TBX3: variants seen among roughly 807,000 people sequenced by gnomAD.
TBX3 encodes the protein T-box transcription factor TBX3.
A neutral mutation model predicts 47.8 loss-of-function variants in TBX3; 11 were observed. That is an observed-to-expected ratio of 0.23 (90% CI 0.14 to 0.38). The LOEUF is 0.38. Among genes scored for constraint, TBX3 ranks in the 10% least tolerant of loss-of-function variants. The probability of loss-of-function intolerance (pLI) is 1.00; values close to 1 mark genes in which losing one functional copy is unlikely to be tolerated. For missense variants in TBX3, 927 were observed against 1,022.8 expected, an observed-to-expected ratio of 0.91 and a Z score of 1.28; for synonymous variants, 500 against 449.3, an observed-to-expected ratio of 1.11 and a Z score of -1.43.
intron 3 of TBX3, 125 bp from the exon 4 acceptor site, chr12:114,677,781 AG>A: frequency 2.4e-6 from 2 of 850,634 alleles, no homozygotes; most frequent in South Asian, 3.0e-5. Flanking sequence ...TAGATATGCC[AG>A]GGAAAGGAGA....
Position 114,675,901 on chromosome 12 carries a change from C to T in TBX3, c.1039+412G>A, listed in dbSNP as rs113723401. On this transcript the variant is annotated intron_variant, in intron 5 of 6. Coordinates refer to ENST00000349155, the MANE Select transcript of TBX3 (RefSeq NM_005996.4). ...CTTGCTTCCCCCCCACCCAGTCCAA[C>T]ACATTGTAACCTAGAGTTCAAAGAC... is the stretch of plus-strand genomic sequence containing the variant. 8.5e-3 allele frequency among the ~76,000 whole-genome samples: 1,289 copies of T among 152,210 alleles called. 7 individuals are homozygous for T. The highest frequency in any genetic ancestry group is 0.012 in the Non-Finnish European group (795 of 68,028).
rs1273808557 is a variant in TBX3, at chr12:114,676,458, G to A, written c.894C>T (p.Thr298=). Residue 298 remains threonine (T), a synonymous_variant, in exon 5 of 7, where the codon ACC becomes ACT. Transcript: ENST00000349155. The stretch of plus-strand genomic sequence containing the variant: ...CATCAAACACCCTCATGGACTGCAG[G>A]GTGAGCTGTTTTCTGTGGCAGAAGC... ...NGRREKRKQL[T]LQSMRVFDER... 1.9e-6 allele frequency: 3 copies of A among 1,614,074 alleles called. No homozygotes were observed. Among genetic ancestry groups the A allele is most frequent in the Non-Finnish European group, 2.5e-6 (3 of 1,180,036 alleles).
At chr12:114,677,435 C>A in intron 4 of TBX3, 145 bp downstream of exon 4, 2 of 769,310 alleles carry the variant, frequency 2.6e-6, no homozygotes, top group Non-Finnish European at 4.5e-6. Flanking sequence ...ATACTGATAG[C>A]GGCAAGCATG....
chr12:114,672,825 T>C (rs1868511039), intron 6 of TBX3, among the ~76,000 whole-genome samples: 1 of 151,800 alleles, frequency 6.6e-6, no homozygotes, highest in Non-Finnish European at 1.5e-5. Flanking sequence ...ACCCCAATCC[T>C]AGAAGTTTCT....
chr12:114,679,286 T>G (rs1032169769), intron 3 of TBX3, among the ~76,000 whole-genome samples: 1 of 152,074 alleles, frequency 6.6e-6, no homozygotes, highest in African/African-American at 2.4e-5. Context: ...GCAAAATTAG[T>G]ATGGCGTTTT....
At chr12:114,673,543 A>G (rs1189837467) in intron 6 of TBX3, among the ~76,000 whole-genome samples, 1 of 152,092 alleles carries the variant, frequency 6.6e-6, no homozygotes, top group Non-Finnish European at 1.5e-5. Context: ...AAGAGCTTCG[A>G]ACTGGGAGGA....
rs928612940 is a variant in TBX3 at position 114,671,490 on chromosome 12, G to T, written c.*351C>A. ...GAAGGAAAAATATATATATAAATCC[G>T]CACTGAGGGAGATGTCTTTGAACAC... On this transcript the variant is annotated 3_prime_UTR_variant, in exon 7 of 7. Coordinates refer to ENST00000349155, the MANE Select transcript of TBX3 (RefSeq NM_005996.4). 2.5e-5 allele frequency: 10 copies of T among 393,016 alleles called. No individual in the cohort carries two copies. In the East Asian group the frequency reaches 4.2e-4, roughly 16 times the overall value. 24.3% of individuals were successfully genotyped at this position (393,016 alleles called of 1,614,324 possible). A position where few individuals can be genotyped will look rare whatever the true frequency, so the allele number is the denominator to read the frequency against.
In TBX3 at chr12:114,672,088, G is replaced by A. The variant is rs1239302522; in HGVS notation, c.1925C>T (p.Ser642Phe). The A allele has an allele frequency of 1.3e-6, 2 of 1,568,942 alleles. No homozygotes were observed. The highest frequency in any genetic ancestry group is 1.4e-5 in the African/African-American group (1 of 73,970). ...GSSLLTTALPSMAAAAGPLDG... is the reference protein window; with the variant it reads ...GSSLLTTALPFMAAAAGPLDG... ...CAGGGGCCCCGCGGCCGCCGCCATG[G>A]AGGGCAGGGCGGTGGTGAGCAGACT... The change falls in exon 7 of 7, where the codon TCC becomes TTC. Residue 642 changes from serine to phenylalanine, a missense_variant. Physicochemically the swap from Ser to Phe is radical, Grantham distance 155. Transcript: ENST00000349155.
chr12:114,675,193 T>C (rs1458016570), intron 5 of TBX3, among the ~76,000 whole-genome samples: 1 of 152,212 alleles, frequency 6.6e-6, no homozygotes, highest in African/African-American at 2.4e-5. Flanking sequence ...CCCCATTCGA[T>C]TGCAAATTAA....
intron 6 of TBX3, among the ~76,000 whole-genome samples, chr12:114,673,797 C>T (rs555226525): frequency 2.0e-5 from 3 of 152,322 alleles, no homozygotes; most frequent in East Asian, 3.9e-4. Flanking sequence ...TGGGCGTCTT[C>T]GCCTTCATCT....
intron 2 of TBX3, chr12:114,680,207 C>T (rs771914569): frequency 1.3e-5 from 7 of 556,554 alleles, no homozygotes; most frequent in East Asian, 6.1e-5. Flanking sequence ...TTGCTTATCA[C>T]GCTGTTTATT....
rs1868901773 is a variant in TBX3 at position 114,680,963 on chromosome 12, G to C, written c.573C>G (p.Pro191=). Residue 191 remains proline, a synonymous_variant, in exon 2 of 7, where the codon CCC becomes CCG. Transcript: ENST00000349155. Reference sequence around the variant, plus strand: ...TGGACATCCACTGTTCCCCAGTAGCGGGGCTGTCCGGGTGAATGTACATCC... The same window carrying C: ...TGGACATCCACTGTTCCCCAGTAGCCGGGCTGTCCGGGTGAATGTACATCC... ...PKRMYIHPDS[P]ATGEQWMSKV... 1 of 1,614,014 alleles carries C rather than the reference G, an allele frequency of 6.2e-7. No individual in the cohort carries two copies. Among genetic ancestry groups the C allele is most frequent in the Middle Eastern group, 1.6e-4 (1 of 6,062 alleles).
In TBX3 at chr12:114,674,839, C is replaced by T. The variant is rs1027247921; in HGVS notation, c.1040-4G>A. On this transcript the variant is annotated splice_polypyrimidine_tract_variant and splice_region_variant and intron_variant, in intron 5 of 6. Coordinates refer to ENST00000349155, the MANE Select transcript of TBX3 (RefSeq NM_005996.4). ...TCACCCTCGCTGGGACATAAATCTA[C>T]CACAGGCGAAGGAAAAAACCAAGGC... 5 of 1,565,208 alleles carry T rather than the reference C, an allele frequency of 3.2e-6. No individual in the cohort carries two copies. The Admixed American group carries it at 5.6e-5, about 18-fold the overall frequency.
chr12:114,680,058 T>C, intron 2 of TBX3: 3 of 1,407,248 alleles, frequency 2.1e-6, no homozygotes, highest in Non-Finnish European at 3.0e-6. Context: ...CCCAATCCAC[T>C]TAAAGCCCTG....
chr12:114,680,685 A>G (rs945457240), intron 2 of TBX3, 194 bp downstream of exon 2: 6 of 805,220 alleles, frequency 7.5e-6, no homozygotes, highest in Non-Finnish European at 1.2e-5. Flanking sequence ...TTCTTGCCCC[A>G]TTTCTTTTAG....
chr12:114,674,615 G>A lies in TBX3; in HGVS notation c.1260C>T (p.Ala420=). The A allele has an allele frequency of 6.2e-7, 1 of 1,603,264 alleles. No homozygotes were observed. Among genetic ancestry groups the A allele is most frequent in the Non-Finnish European group, 8.5e-7 (1 of 1,176,554 alleles). Residue 420 remains alanine (A), a synonymous_variant, in exon 6 of 7, where the codon GCC becomes GCT. Transcript: ENST00000349155. ...GGCCGCGAGTGCTGGACGAGATGGTGGCGGGGCTATGGCGTGAGTCGGGCG... is the reference window on the plus strand; with the variant it reads ...GGCCGCGAGTGCTGGACGAGATGGTAGCGGGGCTATGGCGTGAGTCGGGCG... The part of the protein sequence containing the change: ...KASPDSRHSP[A]TISSSTRGLG...
chr12:114,679,573 T>TATAAAGGAC lies in TBX3; in HGVS notation c.735_736insGTCCTTTAT (p.Tyr245_Ser246insValLeuTyr), dbSNP rs764680551. The TATAAAGGAC allele has an allele frequency of 1.9e-5, 31 of 1,614,106 alleles. No individual in the cohort carries two copies. On this transcript the variant is annotated inframe_insertion, in exon 3 of 7. Coordinates refer to ENST00000349155, the MANE Select transcript of TBX3 (RefSeq NM_005996.4). ...GGGAACAAGTATGTCCGAAATGTAC[T>TATAAAGGAC]ATAAGGGAGTTTCAAGATGTCATTG...
rs1420374137 is a variant in TBX3 at position 114,679,134 on chromosome 12, TA to T, written c.804+370del. On this transcript the variant is annotated intron_variant, in intron 3 of 6. Transcript: ENST00000349155. ...CCAAATGGCTTTTGCCTTAAATTTT[TA>T]GCTGGTTCCTTTTGAATGTGACTTC... 2.6e-5 allele frequency among the ~76,000 whole-genome samples: 4 copies of T among 152,276 alleles called. 1 individual carries two copies. In the East Asian group the frequency reaches 7.8e-4, roughly 30 times the overall value.
At chr12:114,679,426 C>T in intron 3 of TBX3, 79 bp downstream of exon 3, 1 of 1,594,484 alleles carries the variant, frequency 6.3e-7, no homozygotes, top group Middle Eastern at 1.7e-4. Flanking sequence ...TCTCTTGTAA[C>T]TTTCTCATCC....
Sources: gnomAD v4.1 joint callset for allele counts (sites outside exome capture counted in the v4.1 genomes callset) on GRCh38, gnomAD v4.1.1 for gene constraint, MANE v1.5 for transcripts, NCBI Gene and HGNC (gene_info 2026-07-23, HGNC 2026-07-21) for gene names.